Variants in LUC7L3 observed in about 807,000 individuals in gnomAD.
LUC7L3 encodes luc7-like protein 3.
In LUC7L3, 6 loss-of-function variants were observed where a neutral mutation model predicts 66.8. The observed-to-expected ratio is 0.09, with a 90% CI of 0.05 to 0.18. The LOEUF is 0.18. Ranked by LOEUF, LUC7L3 falls within the 10% of genes least tolerant of loss-of-function variation. LUC7L3 has a pLI of 1.00. For missense variants in LUC7L3, 341 were observed against 531.1 expected, an observed-to-expected ratio of 0.64 and a Z score of 3.52; for synonymous variants, 160 against 174.7, an observed-to-expected ratio of 0.92 and a Z score of 0.66.
At chr17:50,740,235 CTCT>C in intron 2 of LUC7L3, 68 bp from the exon 3 acceptor site, 1 of 1,139,622 alleles carries the variant, frequency 8.8e-7, no homozygotes, top group South Asian at 1.4e-5. Context: ...AGAAAAATAA[CTCT>C]TTTTTTTTGG....
intron 2 of LUC7L3, among the ~76,000 whole-genome samples, chr17:50,737,664 C>T (rs979119719): frequency 1.3e-5 from 2 of 152,002 alleles, no homozygotes; most frequent in African/African-American, 4.8e-5. Flanking sequence ...CCAGTAGCAC[C>T]CCCTGTTGTG....
chr17:50,749,441 A>C, intron 9 of LUC7L3: 7 of 1,073,538 alleles, frequency 6.5e-6, no homozygotes, highest in Non-Finnish European at 8.4e-6. Context: ...TGCTTTGTGT[A>C]TTATGCAAGT....
chr17:50,719,900 C>T (rs1968620145), intron 1 of LUC7L3, 69 bp downstream of exon 1: 7 of 1,440,972 alleles, frequency 4.9e-6, no homozygotes, highest in Admixed American at 2.1e-5. Flanking sequence ...GGCTGTGGCC[C>T]TCCTGGCCGC....
chr17:50,751,678 C>T lies in LUC7L3; in HGVS notation c.*1017C>T. 1 of 1,083,560 alleles carries T rather than the reference C, an allele frequency of 9.2e-7. No individual in the cohort carries two copies. Among genetic ancestry groups the T allele is most frequent in the Non-Finnish European group, 1.1e-6 (1 of 886,260 alleles). The allele number at this position is 1,083,560 out of a possible 1,614,324, so 67.1% of individuals were successfully genotyped here. The stretch of plus-strand genomic sequence containing the variant: ...ATAAGAGGTATGTGCTTAATATTTC[C>T]TACTGTGTAGGAGAATTTGCAGTCA... On this transcript the variant is annotated 3_prime_UTR_variant, in exon 10 of 10. Transcript: ENST00000505658.
intron 1 of LUC7L3, among the ~76,000 whole-genome samples, chr17:50,730,181 G>A (rs1254071134): frequency 6.6e-6 from 1 of 151,514 alleles, no homozygotes; most frequent in Non-Finnish European, 1.5e-5. Context: ...CACGTTGCCC[G>A]GGCTGGTCTC....
At chr17:50,724,756 CTTTTTTTTTT>C (rs58826303) in intron 1 of LUC7L3, among the ~76,000 whole-genome samples, 13 of 128,484 alleles carry the variant, frequency 1.0e-4, no homozygotes, top group African/African-American at 3.5e-4. Context: ...AATATTTTCT[CTTTTTTTTTT>C]TTTTTTTACC....
At position 50,751,802 on chromosome 17, in the gene LUC7L3, C is replaced by T; in HGVS notation, c.*1141C>T. 1 of 1,018,576 alleles carries T rather than the reference C, an allele frequency of 9.8e-7. No individual in the cohort carries two copies. Among genetic ancestry groups the T allele is most frequent in the Non-Finnish European group, 1.2e-6 (1 of 849,416 alleles). The allele number at this position is 1,018,576 out of a possible 1,614,324, so 63.1% of individuals were successfully genotyped here. A position where few individuals can be genotyped will look rare whatever the true frequency, so the allele number is the denominator to read the frequency against. On this transcript the variant is annotated 3_prime_UTR_variant, in exon 10 of 10. Coordinates refer to ENST00000505658, the MANE Select transcript of LUC7L3 (RefSeq NM_016424.5). ...ACCTTCAATTTGTGAAATCAAAGAA[C>T]TGATGCACTATATAGAACGAATTTG...
At chr17:50,734,169 C>CTT (rs11312737) in intron 1 of LUC7L3, among the ~76,000 whole-genome samples, 1 of 139,656 alleles carries the variant, frequency 7.2e-6, no homozygotes, top group Non-Finnish European at 1.5e-5. Context: ...TTTTTTAAAA[C>CTT]TTTTTTTTTT....
chr17:50,724,972 G>T (rs998671024), intron 1 of LUC7L3, among the ~76,000 whole-genome samples: 32 of 151,930 alleles, frequency 2.1e-4, no homozygotes, highest in Non-Finnish European at 1.3e-4. Context: ...TGTTTGCCGG[G>T]CTGGTCTTGA....
At chr17:50,732,342 A>C (rs1470239269) in intron 1 of LUC7L3, among the ~76,000 whole-genome samples, 1 of 152,176 alleles carries the variant, frequency 6.6e-6, no homozygotes, top group Non-Finnish European at 1.5e-5. Flanking sequence ...CCAATTTAGC[A>C]AATGTACACA....
intron 1 of LUC7L3, chr17:50,724,183 C>T (rs1455313620): frequency 7.7e-6 from 2 of 259,352 alleles, no homozygotes; most frequent in Non-Finnish European, 1.6e-5. Flanking sequence ...TTATTGTCAA[C>T]CTTAAAGCGG....
rs571081292 is a variant in LUC7L3, at chr17:50,729,145, T to C, written c.100-7815T>C. Among the ~76,000 whole-genome samples, 39 of 152,266 alleles carry C rather than the reference T, an allele frequency of 2.6e-4. 1 individual carries two copies. The highest frequency in any genetic ancestry group is 2.4e-3 in the Admixed American group (37 of 15,294). On this transcript the variant is annotated intron_variant, in intron 1 of 9. Transcript: ENST00000505658. Reference sequence around the variant, plus strand: ...CCCAAAACATTTCTGATATCAAACATTGAGATAAATTTGAGGTATACATAC... The same window carrying C: ...CCCAAAACATTTCTGATATCAAACACTGAGATAAATTTGAGGTATACATAC...
Position 50,719,732 on chromosome 17 carries a change from C to T in LUC7L3, c.-1C>T. On this transcript the variant is annotated 5_prime_UTR_variant, in exon 1 of 10. Coordinates refer to ENST00000505658, the MANE Select transcript of LUC7L3 (RefSeq NM_016424.5). ...GGGAACAGCCGCCCGAAGGAAGCAC[C>T]ATGATTTCGGCCGCGCAGTTGTTGG... 2 of 1,610,900 alleles carry T rather than the reference C, an allele frequency of 1.2e-6. No individual in the cohort carries two copies. The highest frequency in any genetic ancestry group is 2.2e-5 in the South Asian group (2 of 90,276).
intron 5 of LUC7L3, 82 bp from the exon 6 acceptor site, chr17:50,743,624 A>G: frequency 2.4e-6 from 2 of 818,340 alleles, no homozygotes; most frequent in South Asian, 3.3e-5. Context: ...ATGGAAAACA[A>G]CCACTAATGA....
At chr17:50,748,637 T>C (rs980787364) in intron 9 of LUC7L3, among the ~76,000 whole-genome samples, 1 of 152,116 alleles carries the variant, frequency 6.6e-6, no homozygotes, top group African/African-American at 2.4e-5. Flanking sequence ...AGTAAAACTT[T>C]TCGTTAAGCG....
At chr17:50,749,024 A>G (rs552091396) in intron 9 of LUC7L3, among the ~76,000 whole-genome samples, 1 of 152,328 alleles carries the variant, frequency 6.6e-6, no homozygotes, top group East Asian at 1.9e-4. Flanking sequence ...AAGCAAGTTT[A>G]TTACTCCAGG....
chr17:50,741,306 T>A, intron 4 of LUC7L3, 60 bp downstream of exon 4: 1 of 1,508,270 alleles, frequency 6.6e-7, no homozygotes. Flanking sequence ...TTCAGAGACC[T>A]CCCTAATATT....
intron 9 of LUC7L3, chr17:50,749,314 A>G (rs1217586116): frequency 4.7e-6 from 6 of 1,289,274 alleles, no homozygotes; most frequent in South Asian, 1.2e-5. Context: ...GGAGAAGCCC[A>G]TAAGGCACAA....
intron 1 of LUC7L3, among the ~76,000 whole-genome samples, chr17:50,726,894 G>A (rs147229387): frequency 2.0e-3 from 298 of 152,144 alleles, no homozygotes; most frequent in Non-Finnish European, 3.1e-3. Flanking sequence ...TTGGAGACCA[G>A]CCTGGCTAAC....
Sources: gnomAD v4.1 joint callset for allele counts (sites outside exome capture counted in the v4.1 genomes callset) on GRCh38, gnomAD v4.1.1 for gene constraint, MANE v1.5 for transcripts, NCBI Gene and HGNC (gene_info 2026-07-23, HGNC 2026-07-21) for gene names.